The following PRIM2 variants were observed in gnomAD, a reference collection of about 807,000 sequenced individuals.
PRIM2 encodes the protein DNA primase subunit 2.
PRIM2 carries 39 observed loss-of-function variants against 67.3 expected under a neutral mutation model. The observed-to-expected ratio is 0.58, with a 90% CI of 0.45 to 0.76. The LOEUF (loss-of-function observed/expected upper bound fraction) is 0.76. Among genes scored for constraint, PRIM2 ranks in the 30% least tolerant of loss-of-function variants. PRIM2 has a pLI of 0.00. For missense variants in PRIM2, 398 were observed against 598.7 expected (o/e 0.66, Z 3.50); for synonymous variants, 143 against 198.7 (o/e 0.72, Z 2.36).
the PRIM2 span, among the ~76,000 whole-genome samples, chr6:57,269,988 A>G: frequency 1.3e-5 from 2 of 152,126 alleles, no homozygotes; most frequent in Non-Finnish European, 2.9e-5. Context: ...CCATTGGTCT[A>G]TATATCTGTT....
At chr6:57,532,301 T>C in intron 8 of PRIM2, 110 bp from the exon 9 acceptor site, 2 of 462,112 alleles carry the variant, frequency 4.3e-6, no homozygotes, top group Non-Finnish European at 7.4e-6. Context: ...AAGGTTTACA[T>C]GTAAAATGCT....
chr6:57,346,611 C>T (rs1395816355), intron 5 of PRIM2, among the ~76,000 whole-genome samples: 1 of 152,172 alleles, frequency 6.6e-6, no homozygotes, highest in Non-Finnish European at 1.5e-5. Context: ...AGTCACCACG[C>T]CCAGCCATGT....
chr6:57,400,292 G>A (rs1307164660), intron 7 of PRIM2, among the ~76,000 whole-genome samples: 1 of 119,654 alleles, frequency 8.4e-6, no homozygotes, highest in African/African-American at 3.2e-5. Flanking sequence ...TGTAAGGCAG[G>A]CTGGTGGTAA....
intron 6 of PRIM2, among the ~76,000 whole-genome samples, chr6:57,381,823 A>G (rs1369990608): frequency 1.3e-5 from 2 of 152,216 alleles, no homozygotes; most frequent in African/African-American, 4.8e-5. Flanking sequence ...CTATTTTTCA[A>G]AACATCAACT....
rs939787448 is a variant in PRIM2 at position 57,395,030 on chromosome 6, T to A, written c.693+12862T>A. On this transcript the variant is annotated intron_variant, in intron 7 of 13. Coordinates refer to ENST00000615550, the MANE Select transcript of PRIM2 (RefSeq NM_000947.5). ...TGTGAAACCCACTTGATCATGGTGA[T>A]TATCTTTTTGATATGTTGTTGTATT... Among the ~76,000 whole-genome samples, 88 of 152,222 alleles carry A rather than the reference T, an allele frequency of 5.8e-4. 1 individual carries two copies. The highest frequency in any genetic ancestry group is 4.0e-4 in the Non-Finnish European group (27 of 68,030).
intron 10 of PRIM2, among the ~76,000 whole-genome samples, chr6:57,540,771 T>A (rs1358057082): frequency 1.3e-5 from 2 of 152,200 alleles, no homozygotes; most frequent in East Asian, 3.8e-4. Flanking sequence ...GATGCAGTAT[T>A]ATAACCTACA....
chr6:57,565,294 G>C lies in PRIM2; in HGVS notation c.1020+27669G>C, dbSNP rs1420859486. 2.0e-5 allele frequency among the ~76,000 whole-genome samples: 3 copies of C among 147,984 alleles called. No homozygotes were observed. In the Admixed American group the frequency reaches 2.0e-4, roughly 10 times the overall value. On this transcript the variant is annotated intron_variant, in intron 10 of 13. Transcript: ENST00000615550. ...ATTTATTTATCCCTTTTTATTCTTT[G>C]TGTTTTAGCTATTTTTGAAGCAAGT...
the PRIM2 span, among the ~76,000 whole-genome samples, chr6:57,308,275 A>G: frequency 4.0e-5 from 6 of 151,832 alleles, no homozygotes; most frequent in Non-Finnish European, 8.8e-5. Flanking sequence ...GGCTCGTGCC[A>G]CCATATCTGG....
intron 3 of PRIM2, 103 bp from the exon 4 acceptor site, chr6:57,324,098 T>G: frequency 1.5e-6 from 1 of 647,082 alleles, no homozygotes; most frequent in East Asian, 2.8e-5. Flanking sequence ...AAAAGAAATG[T>G]TTTTGAAACT....
chr6:57,630,159 T>G (rs1218142149), intron 12 of PRIM2, among the ~76,000 whole-genome samples: 1 of 150,998 alleles, frequency 6.6e-6, no homozygotes, highest in African/African-American at 2.4e-5. Flanking sequence ...CTTTACTTAT[T>G]TATAGAAACC....
At chr6:57,495,024 T>A (rs1211513895) in intron 7 of PRIM2, among the ~76,000 whole-genome samples, 2 of 134,994 alleles carry the variant, frequency 1.5e-5, no homozygotes, top group Non-Finnish European at 3.3e-5. Flanking sequence ...GTTTTAAATA[T>A]AATTAGGAAA....
At chr6:57,542,736 G>T (rs1405452602) in intron 10 of PRIM2, among the ~76,000 whole-genome samples, 1 of 151,432 alleles carries the variant, frequency 6.6e-6, no homozygotes, top group African/African-American at 2.4e-5. Flanking sequence ...GTGTTCTGTT[G>T]TTACATAGTC....
intron 10 of PRIM2, among the ~76,000 whole-genome samples, chr6:57,582,557 A>T (rs1776106943): frequency 6.6e-6 from 1 of 152,158 alleles, no homozygotes; most frequent in African/African-American, 2.4e-5. Flanking sequence ...AAGTAATATG[A>T]GTGACTTGTT....
chr6:57,540,092 C>T (rs1166793033), intron 10 of PRIM2, among the ~76,000 whole-genome samples: 4 of 152,026 alleles, frequency 2.6e-5, no homozygotes, highest in African/African-American at 7.2e-5. Context: ...CCTCTTCAAG[C>T]GATGTGAGAA....
intron 7 of PRIM2, among the ~76,000 whole-genome samples, chr6:57,482,331 C>A (rs1200018843): frequency 6.6e-6 from 1 of 151,446 alleles, no homozygotes; most frequent in East Asian, 1.9e-4. Context: ...TATAGAGGGA[C>A]GATAATTTAT....
chr6:57,444,579 A>G (rs1168334987), intron 7 of PRIM2, among the ~76,000 whole-genome samples: 1 of 152,012 alleles, frequency 6.6e-6, no homozygotes, highest in Non-Finnish European at 1.5e-5. Flanking sequence ...AAAAAAAAAA[A>G]AAAATTATGG....
At chr6:57,482,732 G>T (rs1232508482) in intron 7 of PRIM2, among the ~76,000 whole-genome samples, 3 of 152,062 alleles carry the variant, frequency 2.0e-5, no homozygotes, top group Non-Finnish European at 2.9e-5. Context: ...GATGTGAGGG[G>T]CACATTAGGG....
At chr6:57,420,178 G>T (rs992999993) in intron 7 of PRIM2, among the ~76,000 whole-genome samples, 7 of 152,150 alleles carry the variant, frequency 4.6e-5, no homozygotes, top group African/African-American at 1.4e-4. Context: ...GAACTAATTA[G>T]TTCCTCTTTT....
the PRIM2 span, among the ~76,000 whole-genome samples, chr6:57,298,599 C>T: frequency 6.6e-6 from 1 of 151,888 alleles, no homozygotes; most frequent in Non-Finnish European, 1.5e-5. Context: ...TTAACAGCTA[C>T]AAAATTGGAC....
Sources: allele counts gnomAD v4.1 joint callset (sites outside exome capture counted in the v4.1 genomes callset), GRCh38; gene constraint gnomAD v4.1.1; transcripts MANE v1.5; gene names NCBI Gene and HGNC (gene_info 2026-07-23, HGNC 2026-07-21).